HCN1: variants seen among roughly 807,000 people sequenced by gnomAD.
HCN1 encodes the protein hyperpolarization activated cyclic nucleotide gated potassium channel 1.
A neutral mutation model predicts 78.9 loss-of-function variants in HCN1; 13 were observed. The observed-to-expected ratio is 0.16, with a 90% confidence interval of 0.11 to 0.26. The LOEUF is 0.26. Among genes scored for constraint, HCN1 ranks in the 10% least tolerant of loss-of-function variants. The probability of loss-of-function intolerance (pLI) is 1.00; values close to 1 mark genes in which losing one functional copy is unlikely to be tolerated. For missense variants in HCN1, 810 were observed against 1,154.3 expected, an observed-to-expected ratio of 0.70 and a Z score of 4.32; for synonymous variants, 552 against 455.5, an observed-to-expected ratio of 1.21 and a Z score of -2.70.
At chr5:45,436,550 TAAG>T (rs1339736186) in intron 3 of HCN1, among the ~76,000 whole-genome samples, 3 of 152,178 alleles carry the variant, frequency 2.0e-5, no homozygotes, top group African/African-American at 4.8e-5. Context: ...AATTATGAAC[TAAG>T]AAGAACTCCA....
chr5:45,509,135 G>A (rs1364500193), intron 2 of HCN1, among the ~76,000 whole-genome samples: 5 of 152,118 alleles, frequency 3.3e-5, no homozygotes, highest in Non-Finnish European at 7.4e-5. Context: ...GGTAAGGTTG[G>A]TGTTTAACAT....
chr5:45,336,121 G>A (rs1746449214), intron 5 of HCN1, among the ~76,000 whole-genome samples: 1 of 151,974 alleles, frequency 6.6e-6, no homozygotes, highest in African/African-American at 2.4e-5. Context: ...GATGGGAGGA[G>A]AATCAAGGAG....
chr5:45,519,350 G>A (rs1189159104), intron 2 of HCN1, among the ~76,000 whole-genome samples: 1 of 151,982 alleles, frequency 6.6e-6, no homozygotes. Flanking sequence ...GATAAGTATA[G>A]GATATACTCT....
At chr5:45,531,732 A>T (rs560089714) in intron 2 of HCN1, among the ~76,000 whole-genome samples, 2 of 151,834 alleles carry the variant, frequency 1.3e-5, no homozygotes, top group African/African-American at 4.8e-5. Flanking sequence ...TTTTTTTTCA[A>T]ATATGTTCCA....
chr5:45,537,680 G>A (rs1343304210), intron 2 of HCN1, among the ~76,000 whole-genome samples: 1 of 151,482 alleles, frequency 6.6e-6, no homozygotes, highest in African/African-American at 2.4e-5. Flanking sequence ...TGGAGTTACA[G>A]GCACCCGCCA....
At chr5:45,667,688 C>A (rs76663491) in intron 1 of HCN1, among the ~76,000 whole-genome samples, 1 of 152,062 alleles carries the variant, frequency 6.6e-6, no homozygotes, top group East Asian at 1.9e-4. Context: ...TGAATTAAAA[C>A]TTGATGAAAT....
At chr5:45,685,479 C>T (rs183340710) in intron 1 of HCN1, among the ~76,000 whole-genome samples, 73 of 152,220 alleles carry the variant, frequency 4.8e-4, no homozygotes, top group Non-Finnish European at 1.5e-4. Flanking sequence ...TTTAGGAGGC[C>T]GAGCCGGGCG....
Position 45,385,650 on chromosome 5 carries a change from C to T in HCN1, c.1230+10842G>A, listed in dbSNP as rs1579860787. 2.0e-5 allele frequency among the ~76,000 whole-genome samples: 3 copies of T among 150,438 alleles called. No individual in the cohort carries two copies. The East Asian group carries it at 5.8e-4, about 29-fold the overall frequency. ...TTTACCGTATTTGCAAGGTATGTTT[C>T]AGTGGTTATTAAAAATCCCATTTGT... On this transcript the variant is annotated intron_variant, in intron 4 of 7. Coordinates refer to ENST00000303230, the MANE Select transcript of HCN1 (RefSeq NM_021072.4).
At chr5:45,535,441 T>C (rs972714598) in intron 2 of HCN1, among the ~76,000 whole-genome samples, 2 of 151,954 alleles carry the variant, frequency 1.3e-5, no homozygotes, top group Non-Finnish European at 2.9e-5. Flanking sequence ...TTACAAAAAA[T>C]ACAAAAATTA....
At chr5:45,596,451 C>T (rs1744498285) in intron 2 of HCN1, among the ~76,000 whole-genome samples, 1 of 152,106 alleles carries the variant, frequency 6.6e-6, no homozygotes, top group African/African-American at 2.4e-5. Context: ...ATCTGACTTC[C>T]CATTCAAGAG....
chr5:45,449,902 G>A (rs866486939), intron 3 of HCN1, among the ~76,000 whole-genome samples: 14 of 152,004 alleles, frequency 9.2e-5, no homozygotes, highest in African/African-American at 3.4e-4. Context: ...CGGTGATCTC[G>A]GCTCACTGCA....
chr5:45,653,739 G>T (rs1373603324), intron 1 of HCN1, among the ~76,000 whole-genome samples: 1 of 152,000 alleles, frequency 6.6e-6, no homozygotes, highest in African/African-American at 2.4e-5. Flanking sequence ...ATGGACACAG[G>T]AAGGGAAACA....
chr5:45,527,680 A>C (rs1742767600), intron 2 of HCN1, among the ~76,000 whole-genome samples: 2 of 151,766 alleles, frequency 1.3e-5, no homozygotes, highest in Non-Finnish European at 1.5e-5. Context: ...AGACTGAGAT[A>C]GATACTCTTC....
intron 2 of HCN1, among the ~76,000 whole-genome samples, chr5:45,465,480 G>A (rs567509823): frequency 6.6e-5 from 10 of 152,174 alleles, no homozygotes; most frequent in African/African-American, 2.4e-4. Flanking sequence ...TTTTCAGCCA[G>A]GTGCGGGGGC....
chr5:45,672,850 C>T (rs897032544), intron 1 of HCN1, among the ~76,000 whole-genome samples: 1 of 151,158 alleles, frequency 6.6e-6, no homozygotes, highest in Non-Finnish European at 1.5e-5. Context: ...AGAATAGTCT[C>T]ACGTTTACAG....
intron 2 of HCN1, among the ~76,000 whole-genome samples, chr5:45,493,576 CT>C (rs940697316): frequency 4.7e-5 from 7 of 149,524 alleles, no homozygotes; most frequent in Non-Finnish European, 6.0e-5. Context: ...AATTGTGTTT[CT>C]TTTTTTTTAG....
chr5:45,425,856 T>C (rs1424284148), intron 3 of HCN1, among the ~76,000 whole-genome samples: 15 of 152,140 alleles, frequency 9.9e-5, no homozygotes, highest in Non-Finnish European at 1.5e-5. Flanking sequence ...GGGATTTCGT[T>C]TGTAACCTAA....
At chr5:45,629,011 A>C (rs1745223578) in intron 2 of HCN1, among the ~76,000 whole-genome samples, 1 of 151,534 alleles carries the variant, frequency 6.6e-6, no homozygotes, top group Non-Finnish European at 1.5e-5. Context: ...AATAAAAGAA[A>C]TTATTAAAAA....
chr5:45,678,007 CACACACAT>C (rs1329748002), intron 1 of HCN1, among the ~76,000 whole-genome samples: 3 of 151,132 alleles, frequency 2.0e-5, no homozygotes, highest in African/African-American at 7.3e-5. Context: ...CACACACACA[CACACACAT>C]ACACACACAC....
Sources: gnomAD v4.1 joint callset for allele counts (sites outside exome capture counted in the v4.1 genomes callset) on GRCh38, gnomAD v4.1.1 for gene constraint, MANE v1.5 for transcripts, NCBI Gene and HGNC (gene_info 2026-07-23, HGNC 2026-07-21) for gene names.